SRGAP1: variants seen among roughly 807,000 people sequenced by gnomAD.
SRGAP1 encodes the protein SLIT-ROBO Rho GTPase activating protein 1.
Under a neutral mutation model 121.9 loss-of-function variants are expected in SRGAP1, and 43 were observed. That is an observed-to-expected ratio of 0.35 (90% CI 0.28 to 0.46). The LOEUF (loss-of-function observed/expected upper bound fraction) is 0.46, where lower values mean the gene tolerates loss of function less well. Ranked by LOEUF, SRGAP1 falls within the 20% of genes least tolerant of loss-of-function variation. SRGAP1 has a pLI of 1.00. For missense variants in SRGAP1, 1,102 were observed against 1,350.9 expected (o/e 0.82, Z 2.89); for synonymous variants, 447 against 485.4 (o/e 0.92, Z 1.04).
intron 1 of SRGAP1, among the ~76,000 whole-genome samples, chr12:63,940,885 C>T (rs1223170853): frequency 2.6e-5 from 4 of 152,064 alleles, no homozygotes; most frequent in East Asian, 3.9e-4. Context: ...CAGTGGAGGC[C>T]GCCTAAAAAC....
chr12:64,091,447 A>G, intron 12 of SRGAP1, 69 bp downstream of exon 12: 2 of 1,134,850 alleles, frequency 1.8e-6, no homozygotes, highest in Non-Finnish European at 2.6e-6. Context: ...GCCTCTTGTA[A>G]GAGGAGGAAG....
At chr12:64,039,354 C>T (rs902205425) in intron 4 of SRGAP1, among the ~76,000 whole-genome samples, 1 of 152,142 alleles carries the variant, frequency 6.6e-6, no homozygotes, top group African/African-American at 2.4e-5. Context: ...TTCCTTTTAA[C>T]CCACACTAGT....
At chr12:64,136,421 T>C (rs537703696) in intron 21 of SRGAP1, among the ~76,000 whole-genome samples, 1 of 152,328 alleles carries the variant, frequency 6.6e-6, no homozygotes, top group Admixed American at 6.5e-5. Context: ...ATTCAGGGAT[T>C]ACCATTTGAA....
rs1204385217 is a variant in SRGAP1, at chr12:64,131,531, T to C, written c.2880+3331T>C. On this transcript the variant is annotated intron_variant, in intron 21 of 21. Coordinates refer to ENST00000355086, the MANE Select transcript of SRGAP1 (RefSeq NM_020762.4). Reference sequence around the variant, plus strand: ...GCTGTAGTGCTGCAGCTGTCCACTTTCGGGTGGTGCCTGCATATCATGCAG... The same window carrying C: ...GCTGTAGTGCTGCAGCTGTCCACTTCCGGGTGGTGCCTGCATATCATGCAG... Among the ~76,000 whole-genome samples, 4 of 152,308 alleles carry C rather than the reference T, an allele frequency of 2.6e-5. No individual in the cohort carries two copies. The South Asian group carries it at 8.3e-4, about 32-fold the overall frequency.
Position 64,042,787 on chromosome 12 carries a change from C to G in SRGAP1, c.490-3C>G. ...TGTAACAATTTGGGTCACTTTTCCA[C>G]AGGTGATGAAAACATACCATATGTA... On this transcript the variant is annotated splice_polypyrimidine_tract_variant and splice_region_variant and intron_variant, in intron 4 of 21. Coordinates refer to ENST00000355086, the MANE Select transcript of SRGAP1 (RefSeq NM_020762.4). 1 of 1,610,942 alleles carries G rather than the reference C, an allele frequency of 6.2e-7. No homozygotes were observed. Among genetic ancestry groups the G allele is most frequent in the Non-Finnish European group, 8.5e-7 (1 of 1,178,350 alleles).
chr12:64,072,108 CTGTGTGTGTG>C lies in SRGAP1; in HGVS notation c.1126-6780_1126-6771del, dbSNP rs66959510. 4.4e-4 allele frequency among the ~76,000 whole-genome samples: 35 copies of C among 80,426 alleles called. 1 individual carries two copies. The highest frequency in any genetic ancestry group is 2.7e-3 in the Admixed American group (18 of 6,640). The allele number at this position is 80,426 out of a possible 152,430, so 52.8% of individuals were successfully genotyped here. Reference sequence around the variant, plus strand: ...ATTACGGAGTTGACCCAATCTCTCTCTGTGTGTGTGTGTGTGTGTGTGTGTGTGTGTGTGT... The same window carrying C: ...ATTACGGAGTTGACCCAATCTCTCTCTGTGTGTGTGTGTGTGTGTGTGTGT... On this transcript the variant is annotated intron_variant, in intron 8 of 21. Transcript: ENST00000355086.
intron 3 of SRGAP1, among the ~76,000 whole-genome samples, chr12:64,009,542 C>G (rs2034191587): frequency 6.6e-6 from 1 of 152,088 alleles, no homozygotes; most frequent in Non-Finnish European, 1.5e-5. Context: ...AAATTGTCTG[C>G]TGGAAGGCTG....
chr12:63,909,628 G>T (rs964806971), intron 1 of SRGAP1, among the ~76,000 whole-genome samples: 1 of 152,192 alleles, frequency 6.6e-6, no homozygotes, highest in African/African-American at 2.4e-5. Flanking sequence ...CTATATACCA[G>T]AATTGTCTCA....
chr12:63,847,132 C>T (rs997138861), intron 1 of SRGAP1, among the ~76,000 whole-genome samples: 1 of 152,098 alleles, frequency 6.6e-6, no homozygotes, highest in Non-Finnish European at 1.5e-5. Context: ...GGTTCAAGAC[C>T]AGCCTGGCCA....
Position 63,930,786 on chromosome 12 carries a change from A to C in SRGAP1, c.68-53161A>C, listed in dbSNP as rs149805753. ...AAAATTCAAAAAGCGTCAAGAATGA[A>C]AAAGCCGCATATGGCAATAGACTAA... On this transcript the variant is annotated intron_variant, in intron 1 of 21. Coordinates refer to ENST00000355086, the MANE Select transcript of SRGAP1 (RefSeq NM_020762.4). 3.8e-4 allele frequency among the ~76,000 whole-genome samples: 58 copies of C among 152,332 alleles called. 1 individual carries two copies. The East Asian group carries it at 0.01, about 27-fold the overall frequency.
chr12:64,060,041 T>C (rs1366390185), intron 6 of SRGAP1, among the ~76,000 whole-genome samples: 1 of 152,062 alleles, frequency 6.6e-6, no homozygotes, highest in East Asian at 1.9e-4. Flanking sequence ...GGGCATTGCT[T>C]CTTAGACTTT....
intron 7 of SRGAP1, among the ~76,000 whole-genome samples, chr12:64,063,410 A>G (rs993063223): frequency 6.6e-6 from 1 of 152,178 alleles, no homozygotes; most frequent in African/African-American, 2.4e-5. Flanking sequence ...ACCTCAAGAC[A>G]TTTTAATTTA....
At chr12:63,853,653 G>A (rs1035010863) in intron 1 of SRGAP1, among the ~76,000 whole-genome samples, 1 of 152,206 alleles carries the variant, frequency 6.6e-6, no homozygotes, top group Admixed American at 6.5e-5. Flanking sequence ...GCACCATGAG[G>A]GATACACTGA....
intron 3 of SRGAP1, among the ~76,000 whole-genome samples, chr12:63,999,074 A>G (rs1206753974): frequency 1.3e-5 from 2 of 152,144 alleles, no homozygotes; most frequent in African/African-American, 4.8e-5. Flanking sequence ...GAAAGCTGCA[A>G]TTTGAATCAG....
intron 8 of SRGAP1, among the ~76,000 whole-genome samples, chr12:64,070,582 C>G (rs1480921673): frequency 6.6e-6 from 1 of 152,150 alleles, no homozygotes; most frequent in Non-Finnish European, 1.5e-5. Context: ...AATCAATTTG[C>G]GACAGTGTTG....
At position 64,010,001 on chromosome 12, in the gene SRGAP1, G is replaced by A. The variant is rs542171257; in HGVS notation, c.427-6949G>A. On this transcript the variant is annotated intron_variant, in intron 3 of 21. Transcript: ENST00000355086. ...TTGCCTGTGTCTTCAGAGTTTACCTGAATTAAGGGAATGTATCATAGAGAC... is the reference window on the plus strand; with the variant it reads ...TTGCCTGTGTCTTCAGAGTTTACCTAAATTAAGGGAATGTATCATAGAGAC... Among the ~76,000 whole-genome samples, 6 of 152,232 alleles carry A rather than the reference G, an allele frequency of 3.9e-5. No individual in the cohort carries two copies. The East Asian group carries it at 1.2e-3, about 29-fold the overall frequency.
intron 1 of SRGAP1, among the ~76,000 whole-genome samples, chr12:63,866,942 C>A (rs1899657044): frequency 6.6e-6 from 1 of 151,944 alleles, no homozygotes; most frequent in East Asian, 1.9e-4. Flanking sequence ...GCTCATGGCT[C>A]ACTGCAGCCT....
At chr12:63,964,030 A>AT (rs1369031705) in intron 1 of SRGAP1, among the ~76,000 whole-genome samples, 9 of 151,998 alleles carry the variant, frequency 5.9e-5, no homozygotes, top group Admixed American at 3.9e-4. Flanking sequence ...TTTTGGTTTG[A>AT]TTTTTTTTCC....
chr12:64,041,087 A>G (rs1056392773), intron 4 of SRGAP1, among the ~76,000 whole-genome samples: 5 of 152,112 alleles, frequency 3.3e-5, no homozygotes, highest in Admixed American at 6.5e-5. Flanking sequence ...ATCATTTCTA[A>G]GAGAATAAAT....
Sources: allele counts gnomAD v4.1 joint callset (sites outside exome capture counted in the v4.1 genomes callset), GRCh38; gene constraint gnomAD v4.1.1; transcripts MANE v1.5; gene names NCBI Gene and HGNC (gene_info 2026-07-23, HGNC 2026-07-21).